CC2D1A: variants seen among roughly 807,000 people sequenced by gnomAD.
The protein encoded by CC2D1A is coiled-coil and C2 domain containing 1A, also known as coiled-coil and C2 domain-containing protein 1A.
A neutral mutation model predicts 123.8 loss-of-function variants in CC2D1A; 68 were observed. That is an observed-to-expected ratio of 0.55 (90% confidence interval 0.45 to 0.67). The LOEUF is 0.67. CC2D1A is among the 30% of genes least tolerant of loss of function. CC2D1A has a pLI of 0.00. For missense variants in CC2D1A, 1,185 were observed against 1,290.3 expected (o/e 0.92, Z 1.25); for synonymous variants, 477 against 528.0 (o/e 0.90, Z 1.32).
At chr19:13,927,431 C>T (rs1325227311) in intron 22 of CC2D1A, 166 bp downstream of exon 22, 26 of 617,768 alleles carry the variant, frequency 4.2e-5, no homozygotes, top group Non-Finnish European at 6.1e-5. Flanking sequence ...CTTGCAGTAC[C>T]CCACTCCATT....
In CC2D1A at chr19:13,923,836, C is replaced by G; in HGVS notation, c.1940+25C>G. On this transcript the variant is annotated intron_variant, in intron 17 of 28. Transcript: ENST00000318003. The surrounding 1 kb of genome is among the most constrained non-coding windows in gnomAD (Gnocchi z 5.3). ...AGTAAGGCTCCTGATCTACGCCCCA[C>G]CACGTGGCCCCAGTGGCCCTTTGGT... The G allele has an allele frequency of 1.3e-6, 2 of 1,557,346 alleles. No individual in the cohort carries two copies. Among genetic ancestry groups the G allele is most frequent in the Non-Finnish European group, 1.8e-6 (2 of 1,129,084 alleles).
chr19:13,925,289 T>C (rs1971552190), intron 17 of CC2D1A, among the ~76,000 whole-genome samples: 1 of 152,128 alleles, frequency 6.6e-6, no homozygotes. Flanking sequence ...CAAGAAATAT[T>C]GTGAAATGAG....
intron 12 of CC2D1A, 43 bp downstream of exon 12, chr19:13,919,994 C>T: frequency 6.4e-7 from 1 of 1,562,942 alleles, no homozygotes; most frequent in Non-Finnish European, 8.7e-7. Flanking sequence ...CACCTGTAGT[C>T]CCAGCACTTT....
Position 13,930,647 on chromosome 19 carries a change from G to GC in CC2D1A, c.*252_*253insC. Reference sequence around the variant, plus strand: ...AGAGTCCTGTTTGCACAGCCCAGGGGTGTCCGGCCTCTGGCCCGCCCCGGA... The same window carrying GC: ...AGAGTCCTGTTTGCACAGCCCAGGGGCTGTCCGGCCTCTGGCCCGCCCCGGA... On this transcript the variant is annotated 3_prime_UTR_variant, in exon 29 of 29. Transcript: ENST00000318003. This position sits in a 1 kb window ranked among gnomAD's most constrained non-coding sequence, Gnocchi z 6.8. 48 of 538,864 alleles carry GC rather than the reference G, an allele frequency of 8.9e-5. No homozygotes were observed. Among genetic ancestry groups the GC allele is most frequent in the Middle Eastern group, 9.6e-4 (2 of 2,076 alleles). The allele number at this position is 538,864 out of a possible 1,614,324, so 33.4% of individuals were successfully genotyped here.
intron 5 of CC2D1A, 45 bp downstream of exon 5, chr19:13,913,347 G>A (rs751536094): frequency 4.4e-6 from 7 of 1,606,844 alleles, no homozygotes; most frequent in South Asian, 2.2e-5. Context: ...CGCCAACCCC[G>A]ATGCCCTGCA....
rs200848845 is a variant in CC2D1A at position 13,930,098 on chromosome 19, C to T, written c.2731C>T (p.Arg911Trp). The T allele has an allele frequency of 3.1e-6, 5 of 1,611,806 alleles. No individual in the cohort carries two copies. Among genetic ancestry groups the T allele is most frequent in the African/African-American group, 1.3e-5 (1 of 74,974 alleles). The stretch of plus-strand genomic sequence containing the variant: ...CTCAGAATACGCAGCCCAGCTGGAG[C>T]GGCAGCTGCAGTTCTACACGGAGGC... ...IRREYAAQLERQLQFYTEAAR... is the reference protein window; with the variant it reads ...IRREYAAQLEWQLQFYTEAAR... The change falls in exon 27 of 29, where the codon CGG (arginine) becomes TGG (tryptophan). Residue 911 changes from arginine to tryptophan, a missense_variant. By Grantham distance (101) the Arg-to-Trp change is moderately radical. Coordinates refer to ENST00000318003, the MANE Select transcript of CC2D1A (RefSeq NM_017721.5). This position sits in a 1 kb window ranked among gnomAD's most constrained non-coding sequence, Gnocchi z 6.8.
rs773175046 is a variant in CC2D1A, at chr19:13,927,885, C to T, written c.2317-8C>T. Reference sequence around the variant, plus strand: ...TCCCACCAACAGTTTCTCCTTACCCCCACCCAGGTCCTGGATGGTCGCCGG... The same window carrying T: ...TCCCACCAACAGTTTCTCCTTACCCTCACCCAGGTCCTGGATGGTCGCCGG... On this transcript the variant is annotated splice_region_variant and splice_polypyrimidine_tract_variant and intron_variant, in intron 22 of 28. Transcript: ENST00000318003. 3.1e-6 allele frequency: 5 copies of T among 1,612,988 alleles called. No homozygotes were observed. The highest frequency in any genetic ancestry group is 1.3e-5 in the African/African-American group (1 of 74,924).
In CC2D1A at chr19:13,926,685, T is replaced by G; in HGVS notation, c.2033T>G (p.Leu678Arg). The G allele has an allele frequency of 1.2e-6, 2 of 1,614,172 alleles. No individual in the cohort carries two copies. Among genetic ancestry groups the G allele is most frequent in the Non-Finnish European group, 1.7e-6 (2 of 1,180,034 alleles). ...CCCACAGGACTGTCCCCTGGCGATC[T>G]GGATGTCTTTGTTCGGTTTGACTTC... ...PTPPGLSPGDLDVFVRFDFPY... is the reference protein window; with the variant it reads ...PTPPGLSPGDRDVFVRFDFPY... Residue 678 changes from leucine to arginine, a missense_variant, in exon 19 of 29, where the codon CTG becomes CGG. Transcript: ENST00000318003.
intron 7 of CC2D1A, 146 bp downstream of exon 7, chr19:13,918,340 C>T (rs181099620): frequency 8.5e-7 from 1 of 1,179,918 alleles, no homozygotes; most frequent in Non-Finnish European, 1.2e-6. Context: ...AGTTTACCCC[C>T]TCTGTGAAAT....
intron 1 of CC2D1A, among the ~76,000 whole-genome samples, chr19:13,908,864 T>C (rs1223220238): frequency 2.0e-5 from 3 of 150,992 alleles, no homozygotes; most frequent in South Asian, 2.1e-4. Flanking sequence ...CCTCCCTCGC[T>C]TCCTTCTTTT....
intron 1 of CC2D1A, 78 bp from the exon 2 acceptor site, chr19:13,909,745 G>C (rs769484011): frequency 6.3e-7 from 1 of 1,582,970 alleles, no homozygotes; most frequent in East Asian, 2.2e-5. Flanking sequence ...TCCTCCCAAG[G>C]GGACTCTCTG....
intron 17 of CC2D1A, among the ~76,000 whole-genome samples, 167 bp from the exon 18 acceptor site, chr19:13,926,350 C>T (rs568875350): frequency 4.6e-5 from 7 of 152,246 alleles, no homozygotes; most frequent in Admixed American, 4.6e-4. Flanking sequence ...GAACAGAGAA[C>T]TCTAGTCTGT....
intron 26 of CC2D1A, 93 bp from the exon 27 acceptor site, chr19:13,929,985 C>T (rs1438760367): frequency 3.9e-6 from 4 of 1,025,012 alleles, no homozygotes; most frequent in South Asian, 2.0e-5. Flanking sequence ...GGGCACCTGG[C>T]GGGGGACGGG....
chr19:13,913,049 C>A, intron 4 of CC2D1A, 119 bp from the exon 5 acceptor site: 1 of 1,076,892 alleles, frequency 9.3e-7, no homozygotes, highest in Non-Finnish European at 1.3e-6. Flanking sequence ...ATTTCTGCCT[C>A]ACTGGGGCAG....
At chr19:13,927,364 G>A (rs1017736902) in intron 22 of CC2D1A, 99 bp downstream of exon 22, 2 of 1,007,190 alleles carry the variant, frequency 2.0e-6, no homozygotes, top group Non-Finnish European at 3.1e-6. Flanking sequence ...GAGCCTGTCT[G>A]TTGACCCAGC....
At chr19:13,926,058 G>GTGTATATATA (rs1568419088) in intron 17 of CC2D1A, among the ~76,000 whole-genome samples, 2 of 98,980 alleles carry the variant, frequency 2.0e-5, no homozygotes, top group East Asian at 2.4e-4. Context: ...GTATATATAT[G>GTGTATATATA]TATATATACA....
chr19:13,906,434 C>A lies in CC2D1A; in HGVS notation c.-8C>A. 1 of 1,517,886 alleles carries A rather than the reference C, an allele frequency of 6.6e-7. No homozygotes were observed. The highest frequency in any genetic ancestry group is 8.8e-7 in the Non-Finnish European group (1 of 1,134,900). The allele number at this position is 1,517,886 out of a possible 1,614,324, so 94.0% of individuals were successfully genotyped here. A position where few individuals can be genotyped will look rare whatever the true frequency, so the allele number is the denominator to read the frequency against. On this transcript the variant is annotated 5_prime_UTR_variant, in exon 1 of 29. Transcript: ENST00000318003. The surrounding 1 kb of genome is among the most constrained non-coding windows in gnomAD (Gnocchi z 4.1). ...GGGGGCAGGTGGTCCGGGCATCCAG[C>A]CTTGAAGATGCACAAGAGGAAAGGA...
At chr19:13,916,701 A>T (rs192583377) in intron 6 of CC2D1A, among the ~76,000 whole-genome samples, 1 of 152,342 alleles carries the variant, frequency 6.6e-6, no homozygotes, top group Non-Finnish European at 1.5e-5. Context: ...AAATAAAACC[A>T]ATACAATGTC....
Position 13,930,247 on chromosome 19 carries a change from T to C in CC2D1A, c.2793T>C (p.Ala931=). ...RRLGNDGSRD[A]AKEALYRRNL... is the part of the protein sequence containing the mutation. ...TGAATGCCCATCCCCCACAGGATGC[T>C]GCAAAGGAGGCGCTCTATAGGCGGA... Residue 931 remains alanine, a synonymous_variant, in exon 28 of 29, where the codon GCT becomes GCC. Transcript: ENST00000318003. This position sits in a 1 kb window ranked among gnomAD's most constrained non-coding sequence, Gnocchi z 6.8. The C allele has an allele frequency of 1.9e-6, 3 of 1,613,886 alleles. No individual in the cohort carries two copies. Among genetic ancestry groups the C allele is most frequent in the South Asian group, 1.1e-5 (1 of 91,088 alleles).
Sources: allele counts gnomAD v4.1 joint callset (sites outside exome capture counted in the v4.1 genomes callset), GRCh38; gene constraint gnomAD v4.1.1; non-coding constraint Gnocchi (gnomAD v3.1); transcripts MANE v1.5; gene names NCBI Gene and HGNC (gene_info 2026-07-23, HGNC 2026-07-21).